The following CHSY1 variants were observed in gnomAD, a reference collection of about 807,000 sequenced individuals.
CHSY1 encodes the protein N-acetylgalactosaminyl-proteoglycan 3-beta-glucuronosyltransferase 1.
A neutral mutation model predicts 59.8 loss-of-function variants in CHSY1; 13 were observed. The ratio of observed to expected loss-of-function variants is 0.22; its 90% CI spans 0.14 to 0.35. CHSY1 has a LOEUF of 0.35. Among genes scored for constraint, CHSY1 ranks in the 10% least tolerant of loss-of-function variants. The pLI is 1.00. For missense variants in CHSY1, 947 were observed against 1,030.6 expected, an observed-to-expected ratio of 0.92 and a Z score of 1.11; for synonymous variants, 459 against 401.2, an observed-to-expected ratio of 1.14 and a Z score of -1.72.
chr15:101,176,180 T>G lies in CHSY1; in HGVS notation c.*1208A>C, dbSNP rs1596417057. 1 of 397,612 alleles carries G rather than the reference T, an allele frequency of 2.5e-6. No individual in the cohort carries two copies. Among genetic ancestry groups the G allele is most frequent in the African/African-American group, 2.1e-5 (1 of 48,564 alleles). 24.6% of individuals were successfully genotyped at this position (397,612 alleles called of 1,614,324 possible). A position where few individuals can be genotyped will look rare whatever the true frequency, so the allele number is the denominator to read the frequency against. On this transcript the variant is annotated 3_prime_UTR_variant, in exon 3 of 3. Coordinates refer to ENST00000254190, the MANE Select transcript of CHSY1 (RefSeq NM_014918.5). The stretch of plus-strand genomic sequence containing the variant: ...CACTCCCGATACACATAAATAATAC[T>G]AACTAACAGGTACTCAAGAAATGGC...
chr15:101,250,267 C>T (rs1367914055), intron 1 of CHSY1, among the ~76,000 whole-genome samples: 1 of 152,220 alleles, frequency 6.6e-6, no homozygotes, highest in Non-Finnish European at 1.5e-5. Flanking sequence ...CTCTATACTT[C>T]ACACATATAG....
intron 2 of CHSY1, among the ~76,000 whole-genome samples, chr15:101,232,834 G>C (rs975670595): frequency 6.6e-6 from 1 of 152,240 alleles, no homozygotes; most frequent in Non-Finnish European, 1.5e-5. Context: ...TCTGGGCACT[G>C]CAGGTGGGAG....
intron 2 of CHSY1, among the ~76,000 whole-genome samples, chr15:101,193,122 G>A (rs191617246): frequency 1.1e-4 from 16 of 152,298 alleles, no homozygotes; most frequent in East Asian, 1.9e-4. Flanking sequence ...CTCACACCCC[G>A]CAGCCACTGC....
intron 2 of CHSY1, among the ~76,000 whole-genome samples, chr15:101,233,452 C>A (rs12595071): frequency 0.1 from 15,312 of 152,240 alleles, 1,019 homozygotes; most frequent in Middle Eastern, 0.18. Flanking sequence ...AATGTGTTAC[C>A]TATTTTAACC....
At chr15:101,210,223 G>T (rs566067885) in intron 2 of CHSY1, among the ~76,000 whole-genome samples, 1 of 152,274 alleles carries the variant, frequency 6.6e-6, no homozygotes, top group East Asian at 1.9e-4. Context: ...TTGGCCACAG[G>T]GAGTTAGTAA....
chr15:101,238,461 C>A (rs111696023), intron 1 of CHSY1, among the ~76,000 whole-genome samples: 11 of 152,294 alleles, frequency 7.2e-5, no homozygotes, highest in African/African-American at 2.6e-4. Context: ...TGCCAACACG[C>A]CTCTCAAAAA....
intron 2 of CHSY1, among the ~76,000 whole-genome samples, chr15:101,190,796 T>C (rs2038432569): frequency 6.6e-6 from 1 of 152,168 alleles, no homozygotes; most frequent in South Asian, 2.1e-4. Context: ...AACAAGCACC[T>C]TGCCGAAGTT....
intron 2 of CHSY1, among the ~76,000 whole-genome samples, chr15:101,181,545 C>T (rs777863378): frequency 2.6e-5 from 4 of 152,186 alleles, no homozygotes; most frequent in African/African-American, 4.8e-5. Context: ...GCAGGAAGCT[C>T]GTGCTGCCAA....
Position 101,234,346 on chromosome 15 carries a change from T to G in CHSY1, c.816+736A>C, listed in dbSNP as rs543608840. On this transcript the variant is annotated intron_variant, in intron 2 of 2. Coordinates refer to ENST00000254190, the MANE Select transcript of CHSY1 (RefSeq NM_014918.5). Reference sequence around the variant, plus strand: ...ATTCCTTTTATAAATTCAAAACACGTTAAGTTTCTAATCTGTGTAGGTCAT... The same window carrying G: ...ATTCCTTTTATAAATTCAAAACACGGTAAGTTTCTAATCTGTGTAGGTCAT... Among the ~76,000 whole-genome samples, 9 of 152,296 alleles carry G rather than the reference T, an allele frequency of 5.9e-5. No individual in the cohort carries two copies. The East Asian group carries it at 1.7e-3, about 29-fold the overall frequency.
chr15:101,232,024 G>T (rs539748028), intron 2 of CHSY1, among the ~76,000 whole-genome samples: 2 of 152,174 alleles, frequency 1.3e-5, no homozygotes, highest in South Asian at 4.1e-4. Flanking sequence ...AGTTCTCAAG[G>T]CTATTTTTTA....
intron 2 of CHSY1, among the ~76,000 whole-genome samples, chr15:101,217,326 G>A (rs1027788160): frequency 1.3e-5 from 2 of 152,134 alleles, no homozygotes; most frequent in African/African-American, 4.8e-5. Context: ...TATACATACA[G>A]ATCGTCACAT....
chr15:101,247,496 G>C (rs778417881), intron 1 of CHSY1, among the ~76,000 whole-genome samples: 1 of 152,136 alleles, frequency 6.6e-6, no homozygotes, highest in Admixed American at 6.6e-5. Flanking sequence ...ACAGCAAGCC[G>C]TGTACTGCAG....
At chr15:101,248,451 G>A (rs1282370026) in intron 1 of CHSY1, among the ~76,000 whole-genome samples, 1 of 152,204 alleles carries the variant, frequency 6.6e-6, no homozygotes, top group East Asian at 1.9e-4. Context: ...CATGCACTCT[G>A]ACTTCTTAAG....
At chr15:101,219,367 G>A (rs954232000) in intron 2 of CHSY1, among the ~76,000 whole-genome samples, 3 of 152,198 alleles carry the variant, frequency 2.0e-5, no homozygotes, top group Non-Finnish European at 2.9e-5. Context: ...GACTGCAGAC[G>A]ACAAAACAAA....
rs532922534 is a variant in CHSY1 at position 101,179,801 on chromosome 15, G to C, written c.817-821C>G. Among the ~76,000 whole-genome samples, 294 of 152,362 alleles carry C rather than the reference G, an allele frequency of 1.9e-3. 1 individual carries two copies. Among genetic ancestry groups the C allele is most frequent in the African/African-American group, 6.5e-3 (269 of 41,578 alleles). On this transcript the variant is annotated intron_variant, in intron 2 of 2. Transcript: ENST00000254190. ...AACCCTGCCTCCGCCCCGTGGCGCA[G>C]GTTTTGGGACAGCATAAGCTTACGG...
At chr15:101,241,088 T>C (rs555343418) in intron 1 of CHSY1, among the ~76,000 whole-genome samples, 1 of 152,216 alleles carries the variant, frequency 6.6e-6, no homozygotes, top group South Asian at 2.1e-4. Context: ...CCAGAAAGGA[T>C]TTAATAGTCT....
intron 2 of CHSY1, among the ~76,000 whole-genome samples, chr15:101,233,429 T>C (rs1332213288): frequency 6.6e-6 from 1 of 152,224 alleles, no homozygotes; most frequent in East Asian, 1.9e-4. Flanking sequence ...GGGGAAAGTG[T>C]TCCAAAATAT....
intron 2 of CHSY1, among the ~76,000 whole-genome samples, chr15:101,223,796 T>C (rs1287492361): frequency 6.9e-6 from 1 of 144,684 alleles, no homozygotes; most frequent in Non-Finnish European, 1.5e-5. Flanking sequence ...CCTCGTCTAC[T>C]ACAGAGGACT....
chr15:101,210,615 G>T (rs1168997279), intron 2 of CHSY1, among the ~76,000 whole-genome samples: 1 of 152,198 alleles, frequency 6.6e-6, no homozygotes, highest in Non-Finnish European at 1.5e-5. Flanking sequence ...AAGAGCAGGG[G>T]TGGGCCAGAA....
Sources: gnomAD v4.1 joint callset for allele counts (sites outside exome capture counted in the v4.1 genomes callset) on GRCh38, gnomAD v4.1.1 for gene constraint, MANE v1.5 for transcripts, NCBI Gene and HGNC (gene_info 2026-07-23, HGNC 2026-07-21) for gene names.